AHCTF1: variants seen among roughly 807,000 people sequenced by gnomAD.
AHCTF1 encodes the protein protein ELYS.
AHCTF1 carries 24 observed loss-of-function variants against 248.4 expected under a neutral mutation model. The observed-to-expected ratio is 0.10, with a 90% CI of 0.07 to 0.14. AHCTF1 has a LOEUF of 0.14. Among genes scored for constraint, AHCTF1 ranks in the 10% least tolerant of loss-of-function variants. The pLI, the probability that AHCTF1 is intolerant of heterozygous loss-of-function variation, is 1.00. For missense variants in AHCTF1, 2,206 were observed against 2,636.2 expected (o/e 0.84, Z 3.57); for synonymous variants, 786 against 929.8 (o/e 0.85, Z 2.81).
At chr1:246,874,619 A>C (rs1374039901) in intron 24 of AHCTF1, among the ~76,000 whole-genome samples, 2 of 152,144 alleles carry the variant, frequency 1.3e-5, no homozygotes, top group African/African-American at 4.8e-5. Flanking sequence ...GTTTAACATT[A>C]ACTTATCCCT....
At chr1:246,843,431 A>G (rs1436664553) in intron 34 of AHCTF1, among the ~76,000 whole-genome samples, 2 of 152,258 alleles carry the variant, frequency 1.3e-5, no homozygotes, top group Non-Finnish European at 2.9e-5. Flanking sequence ...ATGAATTAAC[A>G]TTTATAAACT....
chr1:246,880,434 C>T (rs985847910), intron 21 of AHCTF1, among the ~76,000 whole-genome samples: 16 of 151,596 alleles, frequency 1.1e-4, no homozygotes, highest in South Asian at 2.1e-4. Flanking sequence ...CATGGTGGCA[C>T]GTGCCTATAA....
intron 8 of AHCTF1, 104 bp downstream of exon 8, chr1:246,902,421 T>C: frequency 7.2e-7 from 1 of 1,385,386 alleles, no homozygotes; most frequent in Non-Finnish European, 9.9e-7. Flanking sequence ...TTAATTACTA[T>C]TCCAATTTTC....
At chr1:246,919,895 C>A (rs182170969) in intron 1 of AHCTF1, among the ~76,000 whole-genome samples, 2 of 152,042 alleles carry the variant, frequency 1.3e-5, no homozygotes, top group Non-Finnish European at 1.5e-5. Flanking sequence ...TGTAACACCA[C>A]TTTGGGAGGC....
At chr1:246,898,122 GA>G in intron 12 of AHCTF1, 85 bp downstream of exon 12, 1 of 1,567,096 alleles carries the variant, frequency 6.4e-7, no homozygotes, top group Non-Finnish European at 8.7e-7. Flanking sequence ...TATTTTTGCA[GA>G]AATTATCTAA....
Position 246,855,720 on chromosome 1 carries a change from T to A in AHCTF1, c.4354+10A>T, listed in dbSNP as rs913521644. 5.0e-6 allele frequency: 8 copies of A among 1,593,602 alleles called. No individual in the cohort carries two copies. The African/African-American group carries it at 6.8e-5, about 13-fold the overall frequency. On this transcript the variant is annotated intron_variant, in intron 31 of 35. Transcript: ENST00000648844. The stretch of plus-strand genomic sequence containing the variant: ...TGGAATAATCCTGAAGTCAAAATTA[T>A]TATACATACATTTATTGTCATTTGC...
At chr1:246,872,398 A>C (rs1168357113) in intron 24 of AHCTF1, among the ~76,000 whole-genome samples, 1 of 152,162 alleles carries the variant, frequency 6.6e-6, no homozygotes, top group Non-Finnish European at 1.5e-5. Flanking sequence ...TACTGGCTAA[A>C]TAAAAGGGAT....
Position 246,849,640 on chromosome 1 carries a change from C to T in AHCTF1, c.6366G>A (p.Ala2122=), listed in dbSNP as rs757287157. 36 of 1,609,702 alleles carry T rather than the reference C, an allele frequency of 2.2e-5. No individual in the cohort carries two copies. The highest frequency in any genetic ancestry group is 1.2e-4 in the Admixed American group (7 of 59,564). The change falls in exon 33 of 36, where the codon GCG becomes GCA. Residue 2122 remains alanine, a synonymous_variant. Coordinates refer to ENST00000648844, the MANE Select transcript of AHCTF1 (RefSeq NM_001323342.2). ...EPNNEPLFSP[A]SEVPRKAKAK... ...CTTTTGCTTTCCTTGGAACTTCTGACGCTGGAGAAAATAAAGGCTCATTGT... is the reference window on the plus strand; with the variant it reads ...CTTTTGCTTTCCTTGGAACTTCTGATGCTGGAGAAAATAAAGGCTCATTGT...
chr1:246,874,174 A>AT (rs1662786517), intron 24 of AHCTF1, among the ~76,000 whole-genome samples: 2 of 150,380 alleles, frequency 1.3e-5, no homozygotes, highest in African/African-American at 5.0e-5. Context: ...AGTTTCTAGT[A>AT]TATACAAGTA....
chr1:246,867,151 TAA>T (rs963839334), intron 26 of AHCTF1, 91 bp downstream of exon 26: 83 of 613,866 alleles, frequency 1.4e-4, no homozygotes, highest in Non-Finnish European at 2.0e-4. Context: ...TTTAATAATT[TAA>T]AAGTCTATAA....
At chr1:246,898,671 C>CT (rs1664777819) in intron 11 of AHCTF1, among the ~76,000 whole-genome samples, 5 of 151,032 alleles carry the variant, frequency 3.3e-5, no homozygotes, top group African/African-American at 1.2e-4. Flanking sequence ...CACAGGAAAA[C>CT]TCCTGCAGTC....
chr1:246,866,028 T>C (rs536396387), intron 26 of AHCTF1, among the ~76,000 whole-genome samples: 44 of 152,250 alleles, frequency 2.9e-4, no homozygotes, highest in African/African-American at 9.4e-4. Context: ...TTACATAAAT[T>C]AGCACTTCAG....
Position 246,902,551 on chromosome 1 carries a change from C to T in AHCTF1, c.1091G>A (p.Gly364Asp). The T allele has an allele frequency of 6.2e-7, 1 of 1,611,456 alleles. No individual in the cohort carries two copies. Among genetic ancestry groups the T allele is most frequent in the Non-Finnish European group, 8.5e-7 (1 of 1,179,554 alleles). The change falls in exon 8 of 36, where the codon GGT becomes GAT. Residue 364 changes from glycine to aspartate, a missense_variant. Physicochemically the swap from Gly to Asp is moderately conservative, Grantham distance 94. Coordinates refer to ENST00000648844, the MANE Select transcript of AHCTF1 (RefSeq NM_001323342.2). ...CQSIEKFRSH[G>D]DREEGVNEAL... Reference sequence around the variant, plus strand: ...TTCATTCACGCCTTCCTCCCTGTCACCATGAGATCGAAATTTCTCTATACT... The same window carrying T: ...TTCATTCACGCCTTCCTCCCTGTCATCATGAGATCGAAATTTCTCTATACT...
At chr1:246,847,298 AAAAC>A (rs1373409125) in intron 33 of AHCTF1, among the ~76,000 whole-genome samples, 8 of 130,914 alleles carry the variant, frequency 6.1e-5, no homozygotes, top group Admixed American at 6.8e-5. Context: ...TCAAAAAAAA[AAAAC>A]AAACAAAAAA....
chr1:246,930,491 T>G (rs925129066), intron 1 of AHCTF1, among the ~76,000 whole-genome samples: 1 of 152,094 alleles, frequency 6.6e-6, no homozygotes, highest in Non-Finnish European at 1.5e-5. Flanking sequence ...TAACTGGGCT[T>G]GTCATCCCAG....
intron 21 of AHCTF1, among the ~76,000 whole-genome samples, chr1:246,877,644 C>A (rs1471407586): frequency 6.6e-6 from 1 of 152,142 alleles, no homozygotes; most frequent in Non-Finnish European, 1.5e-5. Context: ...TAAGAAGTGA[C>A]ACTCAGTGGG....
rs138743895 is a variant in AHCTF1, at chr1:246,905,528, G to GT, written c.881+12dup. On this transcript the variant is annotated intron_variant, in intron 6 of 35. Coordinates refer to ENST00000648844, the MANE Select transcript of AHCTF1 (RefSeq NM_001323342.2). The stretch of plus-strand genomic sequence containing the variant: ...AACAAAACAAAACAAAACAAAGTTT[G>GT]TATGAGACCTACCTATCTTGTGTAG... 4.9e-3 allele frequency: 7,845 copies of GT among 1,594,434 alleles called. 351 individuals are homozygous for GT. The African/African-American group carries it at 0.09, about 18-fold the overall frequency.
At chr1:246,869,764 T>C (rs1302246635) in intron 24 of AHCTF1, among the ~76,000 whole-genome samples, 2 of 152,050 alleles carry the variant, frequency 1.3e-5, no homozygotes, top group South Asian at 2.1e-4. Context: ...ATGCCCCTGG[T>C]CACCCAGGAG....
In AHCTF1 at chr1:246,897,521, C is replaced by T. The variant is rs190315672; in HGVS notation, c.1623+687G>A. ...CATTGTTGTGCAATCATGGTAAGAG[C>T]GTACTTACACAAACTTAGATGGTGT... On this transcript the variant is annotated intron_variant, in intron 12 of 35. Transcript: ENST00000648844. 3.7e-3 allele frequency among the ~76,000 whole-genome samples: 560 copies of T among 152,184 alleles called. 1 individual carries two copies. The highest frequency in any genetic ancestry group is 0.012 in the African/African-American group (499 of 41,524).
Sources: gnomAD v4.1 joint callset for allele counts (sites outside exome capture counted in the v4.1 genomes callset) on GRCh38, gnomAD v4.1.1 for gene constraint, MANE v1.5 for transcripts, NCBI Gene and HGNC (gene_info 2026-07-23, HGNC 2026-07-21) for gene names.